Variants in RNMT observed in about 807,000 individuals in gnomAD.
The protein encoded by RNMT is RNA guanine-7 methyltransferase, also known as mRNA cap guanine-N(7) methyltransferase.
RNMT carries 27 observed loss-of-function variants against 56.0 expected under a neutral mutation model. That is an observed-to-expected ratio of 0.48 (90% CI 0.36 to 0.67). RNMT has a LOEUF of 0.67. RNMT is among the 30% of genes least tolerant of loss of function. RNMT has a pLI of 0.00. For missense variants in RNMT, 519 were observed against 552.1 expected, an observed-to-expected ratio of 0.94 and a Z score of 0.60; for synonymous variants, 184 against 176.2, an observed-to-expected ratio of 1.04 and a Z score of -0.35.
intron 9 of RNMT, among the ~76,000 whole-genome samples, chr18:13,750,381 G>A (rs748841537): frequency 1.6e-4 from 25 of 151,578 alleles, no homozygotes; most frequent in Non-Finnish European, 3.1e-4. Context: ...TTTAAGCTTT[G>A]TATTTATATA....
chr18:13,727,061 C>T (rs1410182234), intron 1 of RNMT, among the ~76,000 whole-genome samples: 2 of 152,204 alleles, frequency 1.3e-5, no homozygotes, highest in Non-Finnish European at 2.9e-5. Context: ...GCTTCGGAAA[C>T]CTGAACCAGA....
intron 9 of RNMT, among the ~76,000 whole-genome samples, chr18:13,747,599 C>G (rs1039818043): frequency 6.6e-6 from 1 of 152,150 alleles, no homozygotes; most frequent in African/African-American, 2.4e-5. Context: ...TTTAGATTTT[C>G]TTCAGTTTTT....
rs2044640254 is a variant in RNMT, at chr18:13,763,188, T to C, written c.*3209T>C. On this transcript the variant is annotated 3_prime_UTR_variant, in exon 12 of 12. Transcript: ENST00000383314. Reference sequence around the variant, plus strand: ...GCTGCTATATCAAACACTGCACACTTGACAAGTGTTTTCATTCCCCGCCCT... The same window carrying C: ...GCTGCTATATCAAACACTGCACACTCGACAAGTGTTTTCATTCCCCGCCCT... 2.2e-6 allele frequency: 1 copy of C among 453,980 alleles called. No homozygotes were observed. Among genetic ancestry groups the C allele is most frequent in the Admixed American group, 2.4e-5 (1 of 42,336 alleles). 28.1% of individuals were successfully genotyped at this position (453,980 alleles called of 1,614,324 possible).
intron 9 of RNMT, among the ~76,000 whole-genome samples, chr18:13,747,275 G>A (rs750385886): frequency 6.7e-6 from 1 of 149,094 alleles, no homozygotes; most frequent in South Asian, 2.1e-4. Flanking sequence ...AGGCTGGAGT[G>A]CAGTGATGTG....
intron 8 of RNMT, 150 bp downstream of exon 8, chr18:13,742,802 AAAAAC>A (rs1039282943): frequency 1.3e-4 from 79 of 592,808 alleles, no homozygotes; most frequent in South Asian, 7.5e-4. Context: ...TTTAAAAAAA[AAAAAC>A]AAAACAAGAC....
intron 9 of RNMT, among the ~76,000 whole-genome samples, chr18:13,747,580 A>C (rs1265400972): frequency 1.3e-5 from 2 of 152,200 alleles, no homozygotes; most frequent in Non-Finnish European, 2.9e-5. Context: ...TGCTCAAGGC[A>C]TACTAACCTT....
In RNMT at chr18:13,760,797, A is replaced by G; in HGVS notation, c.*818A>G. 1 of 985,430 alleles carries G rather than the reference A, an allele frequency of 1.0e-6. No homozygotes were observed. 61.0% of individuals were successfully genotyped at this position (985,430 alleles called of 1,614,324 possible). Reference sequence around the variant, plus strand: ...ACATTTTTTCCAAATTTATACATGGAACTGCAGTAGGAATATTCTCACCAT... The same window carrying G: ...ACATTTTTTCCAAATTTATACATGGGACTGCAGTAGGAATATTCTCACCAT... On this transcript the variant is annotated 3_prime_UTR_variant, in exon 12 of 12. Coordinates refer to ENST00000383314, the MANE Select transcript of RNMT (RefSeq NM_003799.3).
chr18:13,745,765 G>GAA (rs200194181), intron 8 of RNMT, among the ~76,000 whole-genome samples: 1 of 143,560 alleles, frequency 7.0e-6, no homozygotes, highest in Non-Finnish European at 1.5e-5. Flanking sequence ...AAGTGAAAAG[G>GAA]AAAAAAAAAA....
intron 1 of RNMT, among the ~76,000 whole-genome samples, chr18:13,729,448 T>C (rs1237512841): frequency 6.6e-6 from 1 of 152,244 alleles, no homozygotes; most frequent in Non-Finnish European, 1.5e-5. Context: ...CATTTCTTTA[T>C]TTGAATTTAA....
chr18:13,743,357 TAAATA>T (rs1568505874), intron 8 of RNMT, among the ~76,000 whole-genome samples: 5 of 148,828 alleles, frequency 3.4e-5, no homozygotes, highest in African/African-American at 1.2e-4. Flanking sequence ...AATAAATAAA[TAAATA>T]AATAAATAAA....
At position 13,750,676 on chromosome 18, in the gene RNMT, C is replaced by T. The variant is rs369066453; in HGVS notation, c.1258-1650C>T. 6.5e-3 allele frequency among the ~76,000 whole-genome samples: 993 copies of T among 151,984 alleles called. 11 individuals carry two copies. Among genetic ancestry groups the T allele is most frequent in the African/African-American group, 0.023 (956 of 41,452 alleles). ...AAATTAGCCAGCATAGTGGCTTGTG[C>T]GTGTAGTCCCAGCTACCCAGGAGGT... On this transcript the variant is annotated intron_variant, in intron 9 of 11. Transcript: ENST00000383314.
intron 9 of RNMT, among the ~76,000 whole-genome samples, chr18:13,752,023 G>A (rs1024866901): frequency 6.6e-6 from 1 of 152,204 alleles, no homozygotes; most frequent in African/African-American, 2.4e-5. Flanking sequence ...TAATGTAAAT[G>A]ATGAGTTGAT....
chr18:13,738,125 C>G (rs1334050637), intron 5 of RNMT, among the ~76,000 whole-genome samples: 6 of 152,106 alleles, frequency 3.9e-5, no homozygotes, highest in African/African-American at 1.4e-4. Context: ...TACTGAAGTA[C>G]TGCCCAAATT....
At chr18:13,756,710 ATGG>A (rs1351721540) in intron 11 of RNMT, among the ~76,000 whole-genome samples, 2 of 152,222 alleles carry the variant, frequency 1.3e-5, no homozygotes, top group Non-Finnish European at 2.9e-5. Flanking sequence ...AAAAACTGCT[ATGG>A]TGTTCCTGTA....
At chr18:13,731,408 CAA>C (rs61281036) in intron 2 of RNMT, 66 bp from the exon 3 acceptor site, 195 of 644,752 alleles carry the variant, frequency 3.0e-4, no homozygotes, top group South Asian at 7.5e-4. Context: ...AACTCCGTCT[CAA>C]AAAAAAAAAA....
chr18:13,763,445 T>C lies in RNMT; in HGVS notation c.*3466T>C. 4.7e-6 allele frequency: 1 copy of C among 212,524 alleles called. No individual in the cohort carries two copies. Among genetic ancestry groups the C allele is most frequent in the South Asian group, 8.1e-5 (1 of 12,272 alleles). The allele number at this position is 212,524 out of a possible 1,614,324, so 13.2% of individuals were successfully genotyped here. On this transcript the variant is annotated 3_prime_UTR_variant, in exon 12 of 12. Transcript: ENST00000383314. ...TGAGGAAGCACAGGACATCCAAGGG[T>C]ACTCTCCAGTTTGGCTGTGGAGACT... is the stretch of plus-strand genomic sequence containing the variant.
chr18:13,740,392 T>G, intron 6 of RNMT, 113 bp downstream of exon 6: 1 of 640,618 alleles, frequency 1.6e-6, no homozygotes, highest in South Asian at 2.0e-5. Flanking sequence ...CTCTTATTTT[T>G]TGAGACAGGG....
At chr18:13,752,231 A>G in intron 9 of RNMT, 95 bp from the exon 10 acceptor site, 1 of 722,342 alleles carries the variant, frequency 1.4e-6, no homozygotes, top group South Asian at 1.7e-5. Context: ...CTTACGGATT[A>G]TTCTCCTAAT....
intron 11 of RNMT, among the ~76,000 whole-genome samples, chr18:13,758,131 CATTT>C (rs1177240134): frequency 1.3e-5 from 2 of 152,188 alleles, no homozygotes; most frequent in African/African-American, 4.8e-5. Context: ...GGCTTTGTTC[CATTT>C]ATAGAGCATG....
Sources: gnomAD v4.1 joint callset for allele counts (sites outside exome capture counted in the v4.1 genomes callset) on GRCh38, gnomAD v4.1.1 for gene constraint, MANE v1.5 for transcripts, NCBI Gene and HGNC (gene_info 2026-07-23, HGNC 2026-07-21) for gene names.